Variants in SLC7A6 observed in about 807,000 individuals in gnomAD.
SLC7A6 encodes the protein solute carrier family 7 member 6.
A neutral mutation model predicts 46.6 loss-of-function variants in SLC7A6; 29 were observed. That is an observed-to-expected ratio of 0.62 (90% CI 0.46 to 0.85). The LOEUF is 0.85. Ranked by LOEUF, SLC7A6 falls within the 40% of genes least tolerant of loss-of-function variation. The pLI is 0.00. For synonymous variants in SLC7A6, 276 were observed against 257.3 expected, an observed-to-expected ratio of 1.07 and a Z score of -0.70; for missense variants, 527 against 647.6, an observed-to-expected ratio of 0.81 and a Z score of 2.02.
In SLC7A6 at chr16:68,301,510, C is replaced by A; in HGVS notation, c.*4182C>A. 1.1e-6 allele frequency: 1 copy of A among 879,660 alleles called. No individual in the cohort carries two copies. 54.5% of individuals were successfully genotyped at this position (879,660 alleles called of 1,614,324 possible). A position where few individuals can be genotyped will look rare whatever the true frequency, so the allele number is the denominator to read the frequency against. On this transcript the variant is annotated 3_prime_UTR_variant, in exon 11 of 11. Transcript: ENST00000219343. ...TCTGTTTTTGTTCCCGATTGTAATG[C>A]AAAATCCTTGCTCAATAAATAAAAA... is the stretch of plus-strand genomic sequence containing the variant.
Position 68,274,744 on chromosome 16 carries a change from T to C in SLC7A6, c.18T>C (p.Pro6=), listed in dbSNP as rs758284832. Residue 6 remains proline (P), a synonymous_variant, in exon 3 of 11, where the codon CCT becomes CCC. Coordinates refer to ENST00000219343, the MANE Select transcript of SLC7A6 (RefSeq NM_003983.6). MEARE[P]GRPTPTYHLV... is the part of the protein sequence containing the mutation. ...CGTTTGTCATGGAAGCCAGGGAGCC[T>C]GGGAGGCCCACACCCACCTACCATC... 1.1e-5 allele frequency: 18 copies of C among 1,614,064 alleles called. No individual in the cohort carries two copies. In the South Asian group the frequency reaches 2.0e-4, roughly 18 times the overall value.
chr16:68,276,095 T>TTTGC (rs1326864740), intron 3 of SLC7A6, among the ~76,000 whole-genome samples: 23 of 152,240 alleles, frequency 1.5e-4, no homozygotes, highest in Non-Finnish European at 1.8e-4. Flanking sequence ...ATTGCTGCTC[T>TTTGC]TTGCGGCTTG....
chr16:68,271,638 G>T (rs962945548), intron 2 of SLC7A6, among the ~76,000 whole-genome samples: 2 of 152,134 alleles, frequency 1.3e-5, no homozygotes, highest in Non-Finnish European at 2.9e-5. Flanking sequence ...GAAGGTAAGG[G>T]ATGGCCCTGG....
intron 3 of SLC7A6, 85 bp from the exon 4 acceptor site, chr16:68,287,661 C>T (rs568955514): frequency 2.6e-6 from 4 of 1,559,288 alleles, no homozygotes. Flanking sequence ...GCAGGAAGGG[C>T]AGAAAGAGTG....
chr16:68,296,452 T>C lies in SLC7A6; in HGVS notation c.1208T>C (p.Leu403Pro), dbSNP rs1410882932. Residue 403 changes from leucine to proline, a missense_variant, in exon 9 of 11, where the codon CTG (leucine) becomes CCG (proline). By Grantham distance (98) the Leu-to-Pro change is moderately conservative (BLOSUM62 -3). Transcript: ENST00000219343. Reference protein sequence around the residue: ...FSFSYWFFVGLSVVGQLYLRW... With the variant: ...FSFSYWFFVGPSVVGQLYLRW... ...TTCAGCTACTGGTTCTTCGTGGGCC[T>C]GTCTGTTGTTGGACAGCTCTACCTC... is the stretch of plus-strand genomic sequence containing the variant. The C allele has an allele frequency of 1.2e-6, 2 of 1,614,172 alleles. No homozygotes were observed. Among genetic ancestry groups the C allele is most frequent in the Non-Finnish European group, 1.7e-6 (2 of 1,180,032 alleles).
intron 2 of SLC7A6, among the ~76,000 whole-genome samples, chr16:68,267,684 G>A (rs2042558699): frequency 6.6e-6 from 1 of 152,210 alleles, no homozygotes; most frequent in Non-Finnish European, 1.5e-5. Flanking sequence ...AAAATACTTA[G>A]AAAGATCAAA....
intron 1 of SLC7A6, among the ~76,000 whole-genome samples, chr16:68,266,124 G>A (rs1174689253): frequency 6.6e-6 from 1 of 152,072 alleles, no homozygotes; most frequent in Non-Finnish European, 1.5e-5. Flanking sequence ...GCCAGGTGTG[G>A]TGGTGGGCAC....
chr16:68,297,387 C>A lies in SLC7A6; in HGVS notation c.*59C>A. ...AGGCCAACCAGCAAAATCCTGATAA[C>A]AAGACTCTGTGGGCCCAACTCTCCT... is the stretch of plus-strand genomic sequence containing the variant. On this transcript the variant is annotated 3_prime_UTR_variant, in exon 11 of 11. Coordinates refer to ENST00000219343, the MANE Select transcript of SLC7A6 (RefSeq NM_003983.6). 7.0e-7 allele frequency: 1 copy of A among 1,436,844 alleles called. No homozygotes were observed. Among genetic ancestry groups the A allele is most frequent in the Non-Finnish European group, 9.7e-7 (1 of 1,026,750 alleles). The allele number at this position is 1,436,844 out of a possible 1,614,324, so 89.0% of individuals were successfully genotyped here.
intron 3 of SLC7A6, among the ~76,000 whole-genome samples, chr16:68,286,350 T>C (rs796253522): frequency 2.6e-5 from 4 of 151,922 alleles, no homozygotes; most frequent in African/African-American, 9.7e-5. Context: ...GAAGAGGAAG[T>C]GGGGGCTGAA....
At chr16:68,269,644 C>A (rs1017039564) in intron 2 of SLC7A6, among the ~76,000 whole-genome samples, 1 of 151,770 alleles carries the variant, frequency 6.6e-6, no homozygotes, top group Non-Finnish European at 1.5e-5. Flanking sequence ...GTCCCAGCTA[C>A]TTGGGAGGCT....
intron 2 of SLC7A6, among the ~76,000 whole-genome samples, chr16:68,270,877 T>TC (rs2042613598): frequency 6.6e-6 from 1 of 151,788 alleles, no homozygotes; most frequent in Non-Finnish European, 1.5e-5. Flanking sequence ...TTTTTTTTTT[T>TC]TGAAACAGTC....
chr16:68,295,793 T>C lies in SLC7A6; in HGVS notation c.1120-571T>C, dbSNP rs570507574. On this transcript the variant is annotated intron_variant, in intron 8 of 10. Transcript: ENST00000219343. ...TGTCTTATGTCTGGATGGATCCATT[T>C]TGCTAGTTTCCAGGTCCAACACCTG... Among the ~76,000 whole-genome samples the C allele has an allele frequency of 7.2e-4, 110 of 152,354 alleles. 3 individuals are homozygous for C. In the South Asian group the frequency reaches 0.021, roughly 30 times the overall value.
intron 8 of SLC7A6, 73 bp downstream of exon 8, chr16:68,294,874 A>T (rs2043131973): frequency 9.9e-7 from 1 of 1,011,902 alleles, no homozygotes; most frequent in East Asian, 2.5e-5. Flanking sequence ...TAAGTTGTTA[A>T]ATAAGAGGGA....
chr16:68,285,684 ATC>A (rs1424865886), intron 3 of SLC7A6, among the ~76,000 whole-genome samples: 1 of 152,210 alleles, frequency 6.6e-6, no homozygotes, highest in Non-Finnish European at 1.5e-5. Context: ...ATGGAAGAAT[ATC>A]CAACTTTCTG....
At position 68,300,719 on chromosome 16, in the gene SLC7A6, T is replaced by TTGATG. The variant is rs1356680771; in HGVS notation, c.*3391_*3392insTGATG. ...AGTCAGTCAGTAATTTCACAACCGTTATCAGAGTTTGGAAGCAGAAATAGC... is the reference window on the plus strand; with the variant it reads ...AGTCAGTCAGTAATTTCACAACCGTTTGATGATCAGAGTTTGGAAGCAGAAATAGC... On this transcript the variant is annotated 3_prime_UTR_variant, in exon 11 of 11. Transcript: ENST00000219343. 3 of 985,398 alleles carry TTGATG rather than the reference T, an allele frequency of 3.0e-6. No individual in the cohort carries two copies. The East Asian group carries it at 3.4e-4, about 112-fold the overall frequency. The allele number at this position is 985,398 out of a possible 1,614,324, so 61.0% of individuals were successfully genotyped here. A position where few individuals can be genotyped will look rare whatever the true frequency, so the allele number is the denominator to read the frequency against.
Position 68,300,568 on chromosome 16 carries a change from C to T in SLC7A6, c.*3240C>T, listed in dbSNP as rs961074525. On this transcript the variant is annotated 3_prime_UTR_variant, in exon 11 of 11. Transcript: ENST00000219343. The stretch of plus-strand genomic sequence containing the variant: ...TGAACCTTCTATTTCACTACCGCTC[C>T]CTGTTTTAGATATTCAGATTTAAAA... 1.0e-5 allele frequency: 10 copies of T among 958,004 alleles called. No individual in the cohort carries two copies. In the African/African-American group the frequency reaches 1.4e-4, roughly 14 times the overall value. 59.3% of individuals were successfully genotyped at this position (958,004 alleles called of 1,614,324 possible). A position where few individuals can be genotyped will look rare whatever the true frequency, so the allele number is the denominator to read the frequency against.
At chr16:68,268,055 T>G (rs2042565627) in intron 2 of SLC7A6, among the ~76,000 whole-genome samples, 1 of 152,226 alleles carries the variant, frequency 6.6e-6, no homozygotes, top group African/African-American at 2.4e-5. Flanking sequence ...TTCATCTGTA[T>G]CCTTTGTAAT....
intron 3 of SLC7A6, among the ~76,000 whole-genome samples, chr16:68,283,106 A>G (rs2042859171): frequency 6.6e-6 from 1 of 152,196 alleles, no homozygotes; most frequent in Non-Finnish European, 1.5e-5. Flanking sequence ...TTGCCAGGCA[A>G]TCTCCTCATC....
At chr16:68,293,105 G>A (rs2043090709) in intron 7 of SLC7A6, among the ~76,000 whole-genome samples, 1 of 152,296 alleles carries the variant, frequency 6.6e-6, no homozygotes, top group Admixed American at 6.5e-5. Flanking sequence ...AATTAGAGAA[G>A]TCAAGGCCTT....
Sources: allele counts gnomAD v4.1 joint callset (sites outside exome capture counted in the v4.1 genomes callset), GRCh38; gene constraint gnomAD v4.1.1; transcripts MANE v1.5; gene names NCBI Gene and HGNC (gene_info 2026-07-23, HGNC 2026-07-21).